The following MAP3K15 variants were observed in gnomAD, a reference collection of about 807,000 sequenced individuals.
The protein encoded by MAP3K15 is MAPK/ERK kinase kinase 15.
MAP3K15 carries 124 observed loss-of-function variants against 99.5 expected under a neutral mutation model. That is an observed-to-expected ratio of 1.25 (90% confidence interval 1.08 to 1.45). MAP3K15 has a LOEUF of 1.45. MAP3K15 is among the 40% of genes most tolerant of loss of function. MAP3K15 has a pLI of 0.00. For synonymous variants in MAP3K15, 494 were observed against 439.6 expected (o/e 1.12, Z -1.55); for missense variants, 1,242 against 1,079.7 (o/e 1.15, Z -2.11).
intron 6 of MAP3K15, among the ~76,000 whole-genome samples, chrX:19,450,543 G>A (rs2064029500): frequency 9.1e-6 from 1 of 109,949 alleles, no homozygotes; most frequent in Non-Finnish European, 1.9e-5. Flanking sequence ...GTGTGTGTGA[G>A]AGAGAAATAT....
Position 19,509,118 on chromosome X carries a change from T to C in MAP3K15, c.361+5783A>G, listed in dbSNP as rs754469653. 1.6e-4 allele frequency among the ~76,000 whole-genome samples: 17 copies of C among 108,911 alleles called. No individual in the cohort carries two copies. The East Asian group carries it at 4.8e-3, about 31-fold the overall frequency. 94.6% of individuals were successfully genotyped at this position (108,911 alleles called of 115,157 possible). A position where few individuals can be genotyped will look rare whatever the true frequency, so the allele number is the denominator to read the frequency against. On this transcript the variant is annotated intron_variant, in intron 1 of 28. Coordinates refer to ENST00000338883, the MANE Select transcript of MAP3K15 (RefSeq NM_001001671.4). The stretch of plus-strand genomic sequence containing the variant: ...AGATTTAGACCCACACAGGACCCCA[T>C]GAAACACTACAAGGAGATGGAAAAC...
At chrX:19,488,737 C>T in intron 2 of MAP3K15, 91 bp downstream of exon 2, 1 of 925,217 alleles carries the variant, frequency 1.1e-6, no homozygotes, top group East Asian at 3.2e-5. Context: ...TTGTTTTTCT[C>T]CAACTTCCTG....
At chrX:19,371,187 T>A in intron 23 of MAP3K15, 123 bp from the exon 24 acceptor site, 1 of 792,269 alleles carries the variant, frequency 1.3e-6, no homozygotes, top group Non-Finnish European at 1.8e-6. Flanking sequence ...ATCAGCCAGT[T>A]CACCCAGATG....
At chrX:19,506,352 G>A (rs1054525656) in intron 1 of MAP3K15, among the ~76,000 whole-genome samples, 2 of 111,492 alleles carry the variant, frequency 1.8e-5, no homozygotes, top group Admixed American at 9.6e-5. Flanking sequence ...TTAGAGGCGT[G>A]AGCCACCACA....
chrX:19,362,786 G>C lies in MAP3K15; in HGVS notation c.3631C>G (p.Gln1211Glu). 1 of 1,187,790 alleles carries C rather than the reference G, an allele frequency of 8.4e-7. No individual in the cohort carries two copies. The highest frequency in any genetic ancestry group is 1.1e-6 in the Non-Finnish European group (1 of 881,178). Reference protein sequence around the residue: ...YQNLLRQTLEQKTQELYHLQL... With the variant: ...YQNLLRQTLEEKTQELYHLQL... ...AGGTGATACAATTCTTGAGTTTTCT[G>C]TTCTAGAGTTTGCCGCAGAAGATTC... The change falls in exon 26 of 29, where the codon CAG becomes GAG. Residue 1211 changes from glutamine to glutamate, a missense_variant. Physicochemically the swap from Gln to Glu is conservative, Grantham distance 29. Transcript: ENST00000338883.
intron 3 of MAP3K15, among the ~76,000 whole-genome samples, chrX:19,478,986 T>C (rs2064271384): frequency 9.0e-6 from 1 of 111,602 alleles, no homozygotes; most frequent in African/African-American, 3.3e-5. Flanking sequence ...AGCAAGGCTA[T>C]GCACAGCTTT....
At chrX:19,412,151 T>C (rs771963020) in intron 11 of MAP3K15, among the ~76,000 whole-genome samples, 13 of 112,049 alleles carry the variant, frequency 1.2e-4, no homozygotes, top group Non-Finnish European at 1.7e-4. Context: ...GCTGCACATA[T>C]ACAGAAAGCT....
intron 22 of MAP3K15, among the ~76,000 whole-genome samples, chrX:19,372,325 T>C (rs942892368): frequency 1.4e-4 from 15 of 110,641 alleles, no homozygotes; most frequent in Non-Finnish European, 2.6e-4. Flanking sequence ...ACTCCAGGAC[T>C]CAAAACCGGA....
Position 19,374,467 on chromosome X carries a change from G to A in MAP3K15, c.2773+10C>T. On this transcript the variant is annotated intron_variant, in intron 20 of 28. Coordinates refer to ENST00000338883, the MANE Select transcript of MAP3K15 (RefSeq NM_001001671.4). Reference sequence around the variant, plus strand: ...CAGGGTGCTGCCCCAGCTGTCCAGGGAGGCCTCACCTGAGGGCTTGAAGGC... The same window carrying A: ...CAGGGTGCTGCCCCAGCTGTCCAGGAAGGCCTCACCTGAGGGCTTGAAGGC... 4.1e-6 allele frequency: 5 copies of A among 1,207,003 alleles called. No homozygotes were observed. Among genetic ancestry groups the A allele is most frequent in the Non-Finnish European group, 5.6e-6 (5 of 892,338 alleles).
intron 1 of MAP3K15, among the ~76,000 whole-genome samples, chrX:19,511,335 T>G (rs889116779): frequency 1.8e-5 from 2 of 111,546 alleles, no homozygotes; most frequent in Non-Finnish European, 3.8e-5. Flanking sequence ...CTAATTAAAC[T>G]AAAGAGCTTC....
chrX:19,399,738 C>CAAA (rs1569210940), intron 14 of MAP3K15, among the ~76,000 whole-genome samples: 7 of 42,825 alleles, frequency 1.6e-4, no homozygotes, highest in African/African-American at 1.0e-3. Context: ...GACTCTGTTT[C>CAAA]CAAAAAAAAA....
chrX:19,401,723 CTGGGCCACG>C (rs140849027), intron 13 of MAP3K15, among the ~76,000 whole-genome samples: 20,827 of 111,002 alleles, frequency 0.19, 3,775 homozygotes, highest in African/African-American at 0.56. Context: ...ACAAATTCTA[CTGGGCCACG>C]TGGGCCACTT....
At chrX:19,499,076 C>G (rs2064424985) in intron 1 of MAP3K15, among the ~76,000 whole-genome samples, 1 of 111,811 alleles carries the variant, frequency 8.9e-6, no homozygotes, top group Non-Finnish European at 1.9e-5. Flanking sequence ...TCTCATAATT[C>G]AATAATAAGA....
intron 2 of MAP3K15, 52 bp downstream of exon 2, chrX:19,488,776 T>G: frequency 8.8e-7 from 1 of 1,135,927 alleles, no homozygotes; most frequent in Non-Finnish European, 1.2e-6. Flanking sequence ...GCTAGACATA[T>G]AATTCTGCTT....
In MAP3K15 at chrX:19,515,282, C is replaced by T; in HGVS notation, c.-21G>A. The stretch of plus-strand genomic sequence containing the variant: ...TCCATGTGCCCGCCTGCGCGCCCTT[C>T]CCCTGGGCGAGTGGCCAGCGGCTGC... On this transcript the variant is annotated 5_prime_UTR_variant, in exon 1 of 29. Transcript: ENST00000338883. 1.1e-6 allele frequency: 1 copy of T among 874,956 alleles called. No homozygotes were observed. Among genetic ancestry groups the T allele is most frequent in the Non-Finnish European group, 1.4e-6 (1 of 714,255 alleles). The allele number at this position is 874,956 out of a possible 1,213,427, so 72.1% of individuals were successfully genotyped here. A position where few individuals can be genotyped will look rare whatever the true frequency, so the allele number is the denominator to read the frequency against.
At chrX:19,361,689 G>A (rs774947730) in intron 26 of MAP3K15, 96 bp from the exon 27 acceptor site, 1 of 601,556 alleles carries the variant, frequency 1.7e-6, no homozygotes, top group South Asian at 2.7e-5. Flanking sequence ...ATGTAAATGT[G>A]ATGTGAAAAA....
At chrX:19,458,241 G>C (rs1371805038) in intron 5 of MAP3K15, among the ~76,000 whole-genome samples, 2 of 112,185 alleles carry the variant, frequency 1.8e-5, no homozygotes, top group Non-Finnish European at 3.8e-5. Flanking sequence ...ATGAATGGAA[G>C]GTTATGAAAA....
Position 19,361,607 on chromosome X carries a change from C to T in MAP3K15, c.3680-14G>A, listed in dbSNP as rs1379356189. ...TCTCTGTAATACCTGTAACGATTGG[C>T]AATTTGTTATATATTAGTCTAACCA... On this transcript the variant is annotated splice_polypyrimidine_tract_variant and intron_variant, in intron 26 of 28. Transcript: ENST00000338883. The T allele has an allele frequency of 8.9e-7, 1 of 1,118,464 alleles. No homozygotes were observed. Among genetic ancestry groups the T allele is most frequent in the East Asian group, 3.0e-5 (1 of 33,434 alleles). 92.2% of individuals were successfully genotyped at this position (1,118,464 alleles called of 1,213,427 possible).
At chrX:19,401,088 A>G (rs997363197) in intron 13 of MAP3K15, among the ~76,000 whole-genome samples, 2 of 111,607 alleles carry the variant, frequency 1.8e-5, no homozygotes, top group African/African-American at 6.5e-5. Flanking sequence ...ACATAATTTT[A>G]CCATGTCCCT....
Sources: gnomAD v4.1 joint callset for allele counts (sites outside exome capture counted in the v4.1 genomes callset) on GRCh38, gnomAD v4.1.1 for gene constraint, MANE v1.5 for transcripts, NCBI Gene and HGNC (gene_info 2026-07-23, HGNC 2026-07-21) for gene names.